GTPBP3: variants seen among roughly 807,000 people sequenced by gnomAD.
GTPBP3 encodes GTP binding protein 3, mitochondrial.
Under a neutral mutation model 42.0 loss-of-function variants are expected in GTPBP3, and 35 were observed. That is an observed-to-expected ratio of 0.83 (90% confidence interval 0.64 to 1.10). The LOEUF (loss-of-function observed/expected upper bound fraction) is 1.10. Among genes scored for constraint, GTPBP3 ranks in the 50% least tolerant of loss-of-function variants. The probability of loss-of-function intolerance (pLI) is 0.00; values close to 1 mark genes in which losing one functional copy is unlikely to be tolerated. For synonymous variants in GTPBP3, 332 were observed against 314.9 expected, an observed-to-expected ratio of 1.05 and a Z score of -0.58; for missense variants, 691 against 685.2, an observed-to-expected ratio of 1.01 and a Z score of -0.09.
At chr19:17,336,313 A>G (rs2074367945), upstream of GTPBP3, among the ~76,000 whole-genome samples, 1 of 150,990 alleles carries the variant, frequency 6.6e-6, no homozygotes, top group Non-Finnish European at 1.5e-5. Context: ...CGAAAACAAA[A>G]CAAACAAACA....
chr19:17,335,249 C>A, upstream of GTPBP3: 1 of 1,370,166 alleles, frequency 7.3e-7, no homozygotes, highest in Non-Finnish European at 9.9e-7. Context: ...AGGAACTTTG[C>A]ACGCACCATT....
At position 17,339,274 on chromosome 19, in the gene GTPBP3, G is replaced by A. The variant is rs1191311788; in HGVS notation, c.808+8G>A. 1.3e-6 allele frequency: 2 copies of A among 1,596,398 alleles called. No homozygotes were observed. Among genetic ancestry groups the A allele is most frequent in the Non-Finnish European group, 8.5e-7 (1 of 1,171,562 alleles). The stretch of plus-strand genomic sequence containing the variant: ...GCCTAGTGAACCTGCTCAGTGAGTA[G>A]GCGGCGGGAAGGGGGCGGGGCCTAG... On this transcript the variant is annotated splice_region_variant and intron_variant, in intron 6 of 8. Coordinates refer to ENST00000324894, the MANE Select transcript of GTPBP3 (RefSeq NM_032620.4).
At chr19:17,339,719 G>A in intron 7 of GTPBP3, 120 bp downstream of exon 7, 1 of 907,896 alleles carries the variant, frequency 1.1e-6, no homozygotes, top group Non-Finnish European at 1.6e-6. Context: ...TATCAAGCAT[G>A]GATCTCAGGG....
upstream of GTPBP3, among the ~76,000 whole-genome samples, chr19:17,335,922 C>A (rs938607559): frequency 6.7e-6 from 1 of 149,752 alleles, no homozygotes; most frequent in Non-Finnish European, 1.5e-5. Flanking sequence ...ATCATTTGTT[C>A]CTATTTTACA....
chr19:17,338,834 C>A (rs749241778), intron 4 of GTPBP3, 93 bp downstream of exon 4: 3 of 1,530,478 alleles, frequency 2.0e-6, no homozygotes, highest in Non-Finnish European at 2.6e-6. Flanking sequence ...TCATTCCCTG[C>A]GTGAAAGCTT....
Position 17,341,849 on chromosome 19 carries a change from G to A in GTPBP3, c.*146G>A, listed in dbSNP as rs1199767215. On this transcript the variant is annotated 3_prime_UTR_variant, in exon 9 of 9. Transcript: ENST00000324894. Reference sequence around the variant, plus strand: ...TGAAGCAACACAGCTGAGAGGTAGTGAGATCCCTGCAGGGACTCCCTGGAG... The same window carrying A: ...TGAAGCAACACAGCTGAGAGGTAGTAAGATCCCTGCAGGGACTCCCTGGAG... 16 of 699,022 alleles carry A rather than the reference G, an allele frequency of 2.3e-5. No homozygotes were observed. Among genetic ancestry groups the A allele is most frequent in the Non-Finnish European group, 2.3e-6 (1 of 434,134 alleles). 43.3% of individuals were successfully genotyped at this position (699,022 alleles called of 1,614,324 possible).
At chr19:17,336,698 TCCA>T (rs1178140102), upstream of GTPBP3, 2 of 152,220 alleles carry the variant, frequency 1.3e-5, no homozygotes, top group African/African-American at 2.4e-5. Context: ...TGCCTGGAAT[TCCA>T]CCATCAGCGC....
upstream of GTPBP3, chr19:17,337,434 C>A: frequency 1.7e-6 from 2 of 1,208,920 alleles, no homozygotes; most frequent in Non-Finnish European, 1.0e-6. Context: ...CTCTCCCTTG[C>A]ACCAGCCAAT....
rs376592241 is a variant in GTPBP3 at position 17,338,429 on chromosome 19, G to A, written c.366G>A (p.Val122=). The change falls in exon 3 of 9, where the codon GTG becomes GTA. Residue 122 remains valine (V), a synonymous_variant. Coordinates refer to ENST00000324894, the MANE Select transcript of GTPBP3 (RefSeq NM_032620.4). The part of the protein sequence containing the change: ...EFHVHGGPAV[V]SGVLQALGSV... ...ACGTGCATGGAGGCCCGGCAGTGGTGAGCGGCGTCCTGCAGGCCTTGGGTG... is the reference window on the plus strand; with the variant it reads ...ACGTGCATGGAGGCCCGGCAGTGGTAAGCGGCGTCCTGCAGGCCTTGGGTG... 3 of 1,614,010 alleles carry A rather than the reference G, an allele frequency of 1.9e-6. No individual in the cohort carries two copies. The highest frequency in any genetic ancestry group is 1.6e-4 in the Middle Eastern group (1 of 6,084).
At chr19:17,337,348 C>A, upstream of GTPBP3, 1 of 447,462 alleles carries the variant, frequency 2.2e-6, no homozygotes, top group Non-Finnish European at 3.6e-6. Flanking sequence ...TGCGCTAGGA[C>A]CCTAAAAATT....
In GTPBP3 at chr19:17,338,112, C is replaced by G. The variant is rs1277833553; in HGVS notation, c.158C>G (p.Thr53Ser). Residue 53 changes from threonine to serine, a missense_variant, in exon 2 of 9, where the codon ACC (threonine) becomes AGC (serine). By Grantham distance (58) the Thr-to-Ser change is moderately conservative. Transcript: ENST00000324894. Reference protein sequence around the residue: ...QGRCGIAVIRTSGPASGHALR... With the variant: ...QGRCGIAVIRSSGPASGHALR... ...CGCTGCGGCATCGCAGTGATCCGGA[C>G]CAGCGGCCCCGCCAGCGGCCACGCC... 1.3e-6 allele frequency: 2 copies of G among 1,589,374 alleles called. No individual in the cohort carries two copies. The highest frequency in any genetic ancestry group is 1.1e-5 in the South Asian group (1 of 89,894).
At chr19:17,340,824 TC>T in intron 7 of GTPBP3, 2 of 477,868 alleles carry the variant, frequency 4.2e-6, no homozygotes, top group Non-Finnish European at 7.4e-6. Flanking sequence ...GCTCTGCCCT[TC>T]CCCCTGCACT....
rs764415986 is a variant in GTPBP3, at chr19:17,341,511, G to A, written c.1287G>A (p.Leu429=). The part of the protein sequence containing the change: ...CGDPSTDPPL[L]TRARHQHHLQ... The stretch of plus-strand genomic sequence containing the variant: ...ACCCGTCCACAGATCCCCCGCTGCT[G>A]ACCCGAGCAAGGCACCAGCACCACC... Residue 429 remains leucine (L), a synonymous_variant, in exon 9 of 9, where the codon CTG becomes CTA. Transcript: ENST00000324894. The A allele has an allele frequency of 1.9e-6, 3 of 1,613,222 alleles. No individual in the cohort carries two copies. Among genetic ancestry groups the A allele is most frequent in the South Asian group, 1.1e-5 (1 of 91,054 alleles).
At chr19:17,337,893 C>T (rs1308708848) in intron 1 of GTPBP3, 115 bp from the exon 2 acceptor site, 2 of 1,376,862 alleles carry the variant, frequency 1.5e-6, no homozygotes, top group Admixed American at 2.1e-5. Context: ...TTTGTGCATC[C>T]CCCAGCCGCA....
At position 17,338,088 on chromosome 19, in the gene GTPBP3, G is replaced by A. The variant is rs752436956; in HGVS notation, c.134G>A (p.Arg45His). 2.5e-6 allele frequency: 4 copies of A among 1,597,330 alleles called. No homozygotes were observed. In the South Asian group the frequency reaches 4.4e-5, roughly 18 times the overall value. Residue 45 changes from arginine (R) to histidine (H), a missense_variant, in exon 2 of 9, where the codon CGC (arginine) becomes CAC (histidine). Physicochemically the swap from Arg to His is conservative, Grantham distance 29. Coordinates refer to ENST00000324894, the MANE Select transcript of GTPBP3 (RefSeq NM_032620.4). The stretch of plus-strand genomic sequence containing the variant: ...TTCGCGCTAAGCTCTGGCCAAGGCC[G>A]CTGCGGCATCGCAGTGATCCGGACC... ...TIFALSSGQG[R>H]CGIAVIRTSG...
rs1351876708 is a variant in GTPBP3, at chr19:17,339,285, G to A, written c.808+19G>A. Reference sequence around the variant, plus strand: ...CTGCTCAGTGAGTAGGCGGCGGGAAGGGGGCGGGGCCTAGTGCCAGGGGCG... The same window carrying A: ...CTGCTCAGTGAGTAGGCGGCGGGAAAGGGGCGGGGCCTAGTGCCAGGGGCG... On this transcript the variant is annotated intron_variant, in intron 6 of 8. Transcript: ENST00000324894. The A allele has an allele frequency of 6.3e-7, 1 of 1,591,332 alleles. No homozygotes were observed. Among genetic ancestry groups the A allele is most frequent in the Admixed American group, 1.7e-5 (1 of 58,872 alleles).
rs986540970 is a variant in GTPBP3, at chr19:17,341,487, C to G, written c.1263C>G (p.Asp421Glu). The change falls in exon 9 of 9, where the codon GAC becomes GAG. Residue 421 changes from aspartate to glutamate, a missense_variant. Coordinates refer to ENST00000324894, the MANE Select transcript of GTPBP3 (RefSeq NM_032620.4). Reference sequence around the variant, plus strand: ...CTCTTGTCTCTTCCAGGTGTGGGGACCCGTCCACAGATCCCCCGCTGCTGA... The same window carrying G: ...CTCTTGTCTCTTCCAGGTGTGGGGAGCCGTCCACAGATCCCCCGCTGCTGA... Reference protein sequence around the residue: ...LRKELAAVCGDPSTDPPLLTR... With the variant: ...LRKELAAVCGEPSTDPPLLTR... 1 of 1,610,338 alleles carries G rather than the reference C, an allele frequency of 6.2e-7. No homozygotes were observed. The highest frequency in any genetic ancestry group is 1.1e-5 in the South Asian group (1 of 90,956).
chr19:17,338,599 A>G lies in GTPBP3; in HGVS notation c.449A>G (p.Asn150Ser). The G allele has an allele frequency of 1.2e-6, 2 of 1,614,070 alleles. No individual in the cohort carries two copies. The highest frequency in any genetic ancestry group is 2.2e-5 in the East Asian group (1 of 44,872). Residue 150 changes from asparagine to serine, a missense_variant, in exon 4 of 9, where the codon AAT becomes AGT. Transcript: ENST00000324894. ...AGEFTRRAFA[N>S]GKLNLTEVEG... ...GAGTTCACCAGACGGGCGTTCGCCA[A>G]TGGGAAGCTGAACCTGACCGAAGTG...
Position 17,341,107 on chromosome 19 carries a change from T to A in GTPBP3, c.1038T>A (p.Ser346Arg). Reference sequence around the variant, plus strand: ...CTTCTGACCTGGCCTCTCCCTCCAGTTGCAACTTCCTGGCCACCGTCGTAG... The same window carrying A: ...CTTCTGACCTGGCCTCTCCCTCCAGATGCAACTTCCTGGCCACCGTCGTAG... ...LDASDLASPS[S>R]CNFLATVVAS... Residue 346 changes from serine (S) to arginine (R), a missense_variant, in exon 8 of 9, where the codon AGT becomes AGA. Coordinates refer to ENST00000324894, the MANE Select transcript of GTPBP3 (RefSeq NM_032620.4). 6.2e-7 allele frequency: 1 copy of A among 1,613,878 alleles called. No homozygotes were observed. Among genetic ancestry groups the A allele is most frequent in the East Asian group, 2.2e-5 (1 of 44,864 alleles).
Sources: gnomAD v4.1 joint callset for allele counts (sites outside exome capture counted in the v4.1 genomes callset) on GRCh38, gnomAD v4.1.1 for gene constraint, MANE v1.5 for transcripts, NCBI Gene and HGNC (gene_info 2026-07-23, HGNC 2026-07-21) for gene names.